KLHDC8A: variants seen among roughly 807,000 people sequenced by gnomAD.
The protein encoded by KLHDC8A is kelch domain containing 8A.
In KLHDC8A, 21 loss-of-function variants were observed where a neutral mutation model predicts 33.1. The ratio of observed to expected loss-of-function variants is 0.64; its 90% CI spans 0.45 to 0.91. The LOEUF (loss-of-function observed/expected upper bound fraction) is 0.91. Ranked by LOEUF, KLHDC8A falls within the 40% of genes least tolerant of loss-of-function variation. The pLI, the probability that KLHDC8A is intolerant of heterozygous loss-of-function variation, is 0.00. For synonymous variants in KLHDC8A, 173 were observed against 193.5 expected (o/e 0.89, Z 0.88); for missense variants, 435 against 483.3 (o/e 0.90, Z 0.94).
chr1:205,349,930 TAGAA>T (rs1417534913), intron 1 of KLHDC8A, among the ~76,000 whole-genome samples: 1 of 152,062 alleles, frequency 6.6e-6, no homozygotes, highest in Non-Finnish European at 1.5e-5. Context: ...CCTGTCAAAT[TAGAA>T]GGAAGGAAGG....
At chr1:205,356,317 G>T (rs531356063) in intron 1 of KLHDC8A, among the ~76,000 whole-genome samples, 1 of 152,296 alleles carries the variant, frequency 6.6e-6, no homozygotes, top group African/African-American at 2.4e-5. Flanking sequence ...AATTAGCTGG[G>T]TTAAAACCAG....
At chr1:205,350,616 A>G (rs973380886) in intron 1 of KLHDC8A, among the ~76,000 whole-genome samples, 5 of 152,132 alleles carry the variant, frequency 3.3e-5, no homozygotes, top group Non-Finnish European at 7.4e-5. Flanking sequence ...GTAAGTTAAT[A>G]TTGCCCCTTC....
chr1:205,351,297 A>G (rs1276473236), intron 1 of KLHDC8A: 2 of 882,622 alleles, frequency 2.3e-6, no homozygotes, highest in African/African-American at 3.2e-5. Context: ...ACAAGAAGTT[A>G]TCATTGAAAT....
intron 4 of KLHDC8A, among the ~76,000 whole-genome samples, chr1:205,338,891 C>T (rs891862047): frequency 6.6e-6 from 1 of 152,064 alleles, no homozygotes; most frequent in Admixed American, 6.6e-5. Flanking sequence ...TTCTGTTTCT[C>T]CATCAGTAAA....
intron 5 of KLHDC8A, 126 bp downstream of exon 5, chr1:205,338,369 T>G: frequency 1.4e-6 from 1 of 705,958 alleles, no homozygotes; most frequent in Non-Finnish European, 2.5e-6. Context: ...CTTCGAATTT[T>G]TTGGAGTATA....
rs774214907 is a variant in KLHDC8A, at chr1:205,339,276, G to A, written c.675C>T (p.Tyr225=). The A allele has an allele frequency of 1.2e-6, 2 of 1,614,216 alleles. No homozygotes were observed. Among genetic ancestry groups the A allele is most frequent in the South Asian group, 2.2e-5 (2 of 91,086 alleles). ...SSFVTLDNHL[Y]SLGGLRQGRL... is the part of the protein sequence containing the mutation. ...GACCTTGCCGCAGGCCTCCTAGGCTGTACAAGTGGTTGTCCAGGGTCACAA... is the reference window on the plus strand; with the variant it reads ...GACCTTGCCGCAGGCCTCCTAGGCTATACAAGTGGTTGTCCAGGGTCACAA... Residue 225 remains tyrosine (Y), a synonymous_variant, in exon 4 of 6, where the codon TAC becomes TAT. Transcript: ENST00000367155. This position sits in a 1 kb window ranked among gnomAD's most constrained non-coding sequence, Gnocchi z 5.1.
chr1:205,353,174 T>C lies in KLHDC8A; in HGVS notation c.-190+3359A>G, dbSNP rs143507122. On this transcript the variant is annotated intron_variant, in intron 1 of 5. Transcript: ENST00000367155. ...GCAAGCTATGCCTGAGGGCCAACCC[T>C]GGCCTGCTGCCTGTTTCTGTATGGC... is the stretch of plus-strand genomic sequence containing the variant. Among the ~76,000 whole-genome samples, 1,413 of 152,334 alleles carry C rather than the reference T, an allele frequency of 9.3e-3. 27 individuals are homozygous for C. The highest frequency in any genetic ancestry group is 0.068 in the South Asian group (327 of 4,830).
chr1:205,354,620 G>A (rs1000218840), intron 1 of KLHDC8A, among the ~76,000 whole-genome samples: 1 of 152,184 alleles, frequency 6.6e-6, no homozygotes, highest in African/African-American at 2.4e-5. Flanking sequence ...GGTAGGGTGG[G>A]AGCACCCAGA....
At chr1:205,350,570 C>T (rs908055055) in intron 1 of KLHDC8A, among the ~76,000 whole-genome samples, 2 of 152,136 alleles carry the variant, frequency 1.3e-5, no homozygotes, top group African/African-American at 4.8e-5. Context: ...AAGGCTGCAG[C>T]AGACCACTCA....
intron 1 of KLHDC8A, among the ~76,000 whole-genome samples, chr1:205,345,938 G>A (rs994937123): frequency 3.9e-5 from 6 of 152,186 alleles, no homozygotes; most frequent in African/African-American, 1.4e-4. Flanking sequence ...GCTGGGTGCC[G>A]TGATGCATGC....
chr1:205,341,395 A>T (rs74140886), intron 2 of KLHDC8A, among the ~76,000 whole-genome samples: 3,734 of 151,928 alleles, frequency 0.025, 158 homozygotes, highest in African/African-American at 0.085. Context: ...CTGAGGCTGG[A>T]AGACGGTGCC....
rs1218416865 is a variant in KLHDC8A at position 205,356,613 on chromosome 1, G to T, written c.-270C>A. ...GGGAGGGGCCGGGAGAGGGTCGAGCGGGTGTTGGCTCTGAGGCTTGTCCTA... is the reference window on the plus strand; with the variant it reads ...GGGAGGGGCCGGGAGAGGGTCGAGCTGGTGTTGGCTCTGAGGCTTGTCCTA... On this transcript the variant is annotated 5_prime_UTR_variant, in exon 1 of 6. Transcript: ENST00000367155. The T allele has an allele frequency of 8.8e-6, 4 of 455,988 alleles. No individual in the cohort carries two copies. Among genetic ancestry groups the T allele is most frequent in the Non-Finnish European group, 1.8e-5 (4 of 226,912 alleles). 28.2% of individuals were successfully genotyped at this position (455,988 alleles called of 1,614,324 possible). A position where few individuals can be genotyped will look rare whatever the true frequency, so the allele number is the denominator to read the frequency against.
chr1:205,339,295 G>T lies in KLHDC8A; in HGVS notation c.656C>A (p.Thr219Asn). The change falls in exon 4 of 6, where the codon ACC becomes AAC. Residue 219 changes from threonine (T) to asparagine (N), a missense_variant. By Grantham distance (65) the Thr-to-Asn change is moderately conservative. Coordinates refer to ENST00000367155, the MANE Select transcript of KLHDC8A (RefSeq NM_018203.3). The surrounding 1 kb of genome is among the most constrained non-coding windows in gnomAD (Gnocchi z 5.1). Reference protein sequence around the residue: ...PYKRAFSSFVTLDNHLYSLGG... With the variant: ...PYKRAFSSFVNLDNHLYSLGG... ...TAGGCTGTACAAGTGGTTGTCCAGG[G>T]TCACAAAGCTGGAGAAGGCCCGCTT... 6.2e-7 allele frequency: 1 copy of T among 1,614,192 alleles called. No homozygotes were observed. The highest frequency in any genetic ancestry group is 1.1e-5 in the South Asian group (1 of 91,084).
At chr1:205,338,139 C>A (rs979909533) in intron 5 of KLHDC8A, among the ~76,000 whole-genome samples, 1 of 152,186 alleles carries the variant, frequency 6.6e-6, no homozygotes. Context: ...TGGGCTGGAA[C>A]AGGATAAGAG....
Position 205,339,712 on chromosome 1 carries a change from A to G in KLHDC8A, c.473T>C (p.Leu158Pro). Reference protein sequence around the residue: ...YDMLKDMWVSLAPMPTPRYAA... With the variant: ...YDMLKDMWVSPAPMPTPRYAA... ...ATATCTCGGGGTGGGCATGGGTGCT[A>G]GGGACACCCACATGTCCTTCAGCAT... Residue 158 changes from leucine (L) to proline (P), a missense_variant, in exon 3 of 6, where the codon CTA becomes CCA. Coordinates refer to ENST00000367155, the MANE Select transcript of KLHDC8A (RefSeq NM_018203.3). The surrounding 1 kb of genome is among the most constrained non-coding windows in gnomAD (Gnocchi z 5.1). 6.2e-7 allele frequency: 1 copy of G among 1,614,142 alleles called. No homozygotes were observed. The highest frequency in any genetic ancestry group is 8.5e-7 in the Non-Finnish European group (1 of 1,179,960).
chr1:205,353,620 C>G (rs1663182474), intron 1 of KLHDC8A, among the ~76,000 whole-genome samples: 1 of 152,174 alleles, frequency 6.6e-6, no homozygotes, highest in Admixed American at 6.5e-5. Flanking sequence ...ACTGCAGCCT[C>G]CCGGGCCCAA....
At chr1:205,342,496 G>C (rs978607073) in intron 2 of KLHDC8A, among the ~76,000 whole-genome samples, 2 of 152,156 alleles carry the variant, frequency 1.3e-5, no homozygotes, top group Non-Finnish European at 2.9e-5. Context: ...CTGTGCTGGG[G>C]ACAGAGCAGG....
chr1:205,352,925 G>T (rs1236953038), intron 1 of KLHDC8A, among the ~76,000 whole-genome samples: 2 of 152,204 alleles, frequency 1.3e-5, no homozygotes, highest in Admixed American at 1.3e-4. Flanking sequence ...GAAACAGAGG[G>T]ACAATTTTAT....
Position 205,339,203 on chromosome 1 carries a change from T to C in KLHDC8A, c.748A>G (p.Met250Val), listed in dbSNP as rs774887701. The part of the protein sequence containing the change: ...KFLRTMDVFD[M>V]EQGGWLKMER... ...AAGGTGACCAGCTCACCCTGTTCCA[T>C]GTCGAACACGTCCATCGTCCGCAGG... Residue 250 changes from methionine (M) to valine (V), a missense_variant, in exon 4 of 6, where the codon ATG becomes GTG. Met to Val is a conservative substitution (Grantham distance 21). Coordinates refer to ENST00000367155, the MANE Select transcript of KLHDC8A (RefSeq NM_018203.3). This position sits in a 1 kb window ranked among gnomAD's most constrained non-coding sequence, Gnocchi z 5.1. 9.9e-6 allele frequency: 16 copies of C among 1,613,732 alleles called. No individual in the cohort carries two copies. Among genetic ancestry groups the C allele is most frequent in the Non-Finnish European group, 1.2e-5 (14 of 1,179,840 alleles).
Sources: allele counts gnomAD v4.1 joint callset (sites outside exome capture counted in the v4.1 genomes callset), GRCh38; gene constraint gnomAD v4.1.1; non-coding constraint Gnocchi (gnomAD v3.1); transcripts MANE v1.5; gene names NCBI Gene and HGNC (gene_info 2026-07-23, HGNC 2026-07-21).